Variants in LIPH observed in about 807,000 individuals in gnomAD.
LIPH encodes the protein lipase H, also known as lipase member H.
Under a neutral mutation model 47.6 loss-of-function variants are expected in LIPH, and 32 were observed. The ratio of observed to expected loss-of-function variants is 0.67; its 90% CI spans 0.51 to 0.90. The LOEUF is 0.90. LIPH is among the 40% of genes least tolerant of loss of function. LIPH has a pLI of 0.00. For missense variants in LIPH, 497 were observed against 541.4 expected (o/e 0.92, Z 0.81); for synonymous variants, 190 against 195.6 (o/e 0.97, Z 0.24).
chr3:185,528,327 A>AAAGAAAGAAAG (rs1228266149), intron 3 of LIPH, among the ~76,000 whole-genome samples: 8 of 150,118 alleles, frequency 5.3e-5, no homozygotes, highest in African/African-American at 1.5e-4. Context: ...AAGAAAGAAG[A>AAAGAAAGAAAG]AAGAAAGAAA....
At chr3:185,509,758 A>G (rs1018433733) in intron 9 of LIPH, among the ~76,000 whole-genome samples, 1 of 152,206 alleles carries the variant, frequency 6.6e-6, no homozygotes, top group African/African-American at 2.4e-5. Flanking sequence ...AATAATGACA[A>G]TATGGGTGAT....
intron 1 of LIPH, among the ~76,000 whole-genome samples, chr3:185,550,911 C>T (rs1408421060): frequency 6.6e-6 from 1 of 151,982 alleles, no homozygotes; most frequent in East Asian, 1.9e-4. Flanking sequence ...ATAGGCCGGG[C>T]GCGGTGGCTC....
chr3:185,548,128 C>T (rs577514491), intron 1 of LIPH, among the ~76,000 whole-genome samples: 2 of 151,958 alleles, frequency 1.3e-5, no homozygotes, highest in African/African-American at 2.4e-5. Context: ...GAGTTGGGGC[C>T]GGGCGCAGTG....
chr3:185,531,705 A>C (rs1720337390), intron 3 of LIPH, among the ~76,000 whole-genome samples: 1 of 152,056 alleles, frequency 6.6e-6, no homozygotes, highest in Non-Finnish European at 1.5e-5. Context: ...ACAACATGAG[A>C]TCCCATCACT....
At chr3:185,552,372 A>G in intron 1 of LIPH, 51 bp downstream of exon 1, 1 of 1,263,216 alleles carries the variant, frequency 7.9e-7, no homozygotes, top group Non-Finnish European at 1.2e-6. Context: ...TGACAACACA[A>G]CTAATTCTAT....
chr3:185,548,361 C>T (rs145088500), intron 1 of LIPH, among the ~76,000 whole-genome samples: 261 of 148,010 alleles, frequency 1.8e-3, no homozygotes, highest in African/African-American at 6.2e-3. Flanking sequence ...GCCAAGATCG[C>T]GCCACTGCAC....
At chr3:185,525,134 G>A (rs921159762) in intron 4 of LIPH, among the ~76,000 whole-genome samples, 5 of 152,050 alleles carry the variant, frequency 3.3e-5, no homozygotes, top group East Asian at 3.9e-4. Flanking sequence ...AGGATCACTC[G>A]AGCTAGGAGG....
chr3:185,526,961 C>G (rs891570636), intron 4 of LIPH, among the ~76,000 whole-genome samples: 1 of 151,956 alleles, frequency 6.6e-6, no homozygotes, highest in African/African-American at 2.4e-5. Context: ...AAAAATATGC[C>G]GGGCGCGGTG....
chr3:185,528,346 G>GAAAGAAAGAAAT (rs1553822863), intron 3 of LIPH, among the ~76,000 whole-genome samples: 1 of 151,064 alleles, frequency 6.6e-6, no homozygotes, highest in Non-Finnish European at 1.5e-5. Context: ...AAGAAAGAAA[G>GAAAGAAAGAAAT]AAAGAAAGAA....
At chr3:185,549,414 G>A (rs1173245470) in intron 1 of LIPH, among the ~76,000 whole-genome samples, 2 of 152,188 alleles carry the variant, frequency 1.3e-5, no homozygotes, top group Non-Finnish European at 2.9e-5. Context: ...AATCATTCTA[G>A]AGGATTGCAA....
chr3:185,526,291 C>T (rs545270393), intron 4 of LIPH, among the ~76,000 whole-genome samples: 2 of 152,134 alleles, frequency 1.3e-5, no homozygotes, highest in African/African-American at 2.4e-5. Context: ...GAGGCAAAGG[C>T]GGGTGGATCA....
Position 185,534,831 on chromosome 3 carries a change from A to G in LIPH, c.351T>C (p.Tyr117=), listed in dbSNP as rs200623809. The change falls in exon 2 of 10, where the codon TAT becomes TAC. Residue 117 remains tyrosine, a synonymous_variant. Transcript: ENST00000296252. ...DWNRGATTLI[Y]THASSKTRKV... Reference sequence around the variant, plus strand: ...TTCTGGTCTTACTAGAGGCATGGGTATATATTAAAGTTGTAGCTCCTCGAT... The same window carrying G: ...TTCTGGTCTTACTAGAGGCATGGGTGTATATTAAAGTTGTAGCTCCTCGAT... 73 of 1,613,598 alleles carry G rather than the reference A, an allele frequency of 4.5e-5. No individual in the cohort carries two copies. The East Asian group carries it at 1.5e-3, about 33-fold the overall frequency.
At position 185,511,608 on chromosome 3, in the gene LIPH, A is replaced by C; in HGVS notation, c.1184T>G (p.Met395Arg). 1.2e-6 allele frequency: 2 copies of C among 1,613,544 alleles called. No individual in the cohort carries two copies. Among genetic ancestry groups the C allele is most frequent in the Non-Finnish European group, 1.7e-6 (2 of 1,179,454 alleles). Residue 395 changes from methionine to arginine, a missense_variant, in exon 9 of 10, where the codon ATG becomes AGG. By Grantham distance (91) the Met-to-Arg change is moderately conservative (BLOSUM62 -1). Transcript: ENST00000296252. ...DLDKVAAISL[M>R]FSTGSLIGPR... ...GCCTATTAGAGATCCTGTAGAGAAC[A>C]TCAAGGAAATTGCAGCCACTTTATC...
chr3:185,523,912 G>A (rs1343287313), intron 5 of LIPH, among the ~76,000 whole-genome samples, 159 bp downstream of exon 5: 1 of 150,824 alleles, frequency 6.6e-6, no homozygotes, highest in Admixed American at 6.6e-5. Flanking sequence ...AGTAGAGATG[G>A]GGTTTCACTA....
intron 4 of LIPH, among the ~76,000 whole-genome samples, chr3:185,525,494 G>A (rs1172111527): frequency 6.6e-6 from 1 of 152,046 alleles, no homozygotes; most frequent in Non-Finnish European, 1.5e-5. Context: ...GTGAAGATAT[G>A]GGACCAGGCA....
chr3:185,541,241 C>T (rs1467546858), intron 1 of LIPH, among the ~76,000 whole-genome samples: 2 of 152,126 alleles, frequency 1.3e-5, no homozygotes, highest in African/African-American at 4.8e-5. Context: ...AACTCATTCT[C>T]TACCAAGAAA....
intron 4 of LIPH, among the ~76,000 whole-genome samples, chr3:185,524,634 A>G (rs1013550498): frequency 1.3e-5 from 2 of 151,954 alleles, no homozygotes; most frequent in East Asian, 1.9e-4. Flanking sequence ...TGTTTTTAGT[A>G]GAGACGGGGT....
intron 1 of LIPH, chr3:185,546,783 C>A: frequency 3.0e-6 from 1 of 335,494 alleles, no homozygotes; most frequent in Non-Finnish European, 5.6e-6. Flanking sequence ...CCAGCCTGGG[C>A]AACAGAGTAA....
intron 5 of LIPH, among the ~76,000 whole-genome samples, chr3:185,523,824 G>A (rs760107315): frequency 9.9e-5 from 15 of 152,010 alleles, no homozygotes; most frequent in Admixed American, 5.3e-4. Flanking sequence ...CCAGGTTCAA[G>A]AGATTCTCTT....
Sources: allele counts gnomAD v4.1 joint callset (sites outside exome capture counted in the v4.1 genomes callset), GRCh38; gene constraint gnomAD v4.1.1; transcripts MANE v1.5; gene names NCBI Gene and HGNC (gene_info 2026-07-23, HGNC 2026-07-21).